Variants in MSI2 observed in about 807,000 individuals in gnomAD.
MSI2 encodes the protein musashi RNA binding protein 2.
MSI2 carries 17 observed loss-of-function variants against 45.6 expected under a neutral mutation model. The observed-to-expected ratio is 0.37, with a 90% CI of 0.26 to 0.56. The LOEUF (loss-of-function observed/expected upper bound fraction) is 0.56, where lower values mean the gene tolerates loss of function less well. Among genes scored for constraint, MSI2 ranks in the 20% least tolerant of loss-of-function variants. The pLI, the probability that MSI2 is intolerant of heterozygous loss-of-function variation, is 0.77. For missense variants in MSI2, 293 were observed against 444.2 expected (o/e 0.66, Z 3.06); for synonymous variants, 156 against 158.2 (o/e 0.99, Z 0.11).
intron 6 of MSI2, among the ~76,000 whole-genome samples, chr17:57,518,594 G>C (rs1598356896): frequency 6.6e-6 from 1 of 152,234 alleles, no homozygotes; most frequent in African/African-American, 2.4e-5. Context: ...GAATGTGAGA[G>C]AGTGTTCCGG....
intron 7 of MSI2, among the ~76,000 whole-genome samples, chr17:57,559,423 C>G (rs750075992): frequency 2.0e-5 from 3 of 152,202 alleles, no homozygotes; most frequent in Non-Finnish European, 4.4e-5. Flanking sequence ...AGCTGCAGCC[C>G]CATTGGCAAT....
intron 6 of MSI2, among the ~76,000 whole-genome samples, chr17:57,432,402 C>T (rs1294965032): frequency 6.6e-6 from 1 of 152,206 alleles, no homozygotes; most frequent in Non-Finnish European, 1.5e-5. Context: ...GTGTGCATTT[C>T]TCTAGTGGTT....
chr17:57,296,476 GTTCCCT>G (rs1475783680), intron 5 of MSI2, among the ~76,000 whole-genome samples: 1 of 152,148 alleles, frequency 6.6e-6, no homozygotes, highest in Non-Finnish European at 1.5e-5. Flanking sequence ...ATCAAATTCT[GTTCCCT>G]TTGGAGGCCA....
At position 57,367,287 on chromosome 17, in the gene MSI2, GT is replaced by G. The variant is rs374664493; in HGVS notation, c.313-34083del. Among the ~76,000 whole-genome samples, 750 of 151,396 alleles carry G rather than the reference GT, an allele frequency of 5.0e-3. 13 individuals are homozygous for G. The East Asian group carries it at 0.053, about 11-fold the overall frequency. The stretch of plus-strand genomic sequence containing the variant: ...TGTTTTTCTGAATTGTGATTAAAAT[GT>G]TTTTTTTTCCTTCAAATTTTAAGTT... On this transcript the variant is annotated intron_variant, in intron 5 of 13. Coordinates refer to ENST00000284073, the MANE Select transcript of MSI2 (RefSeq NM_138962.4).
At position 57,407,444 on chromosome 17, in the gene MSI2, T is replaced by G. The variant is rs1186774170; in HGVS notation, c.405+5973T>G. On this transcript the variant is annotated intron_variant, in intron 6 of 13. Coordinates refer to ENST00000284073, the MANE Select transcript of MSI2 (RefSeq NM_138962.4). This position sits in a 1 kb window ranked among gnomAD's most constrained non-coding sequence, Gnocchi z 4.1. ...GATAAATAAGCCTGAGAGTGGACTG[T>G]GATCCTCAGGTAGTGTTTTCTTGCT... Among the ~76,000 whole-genome samples the G allele has an allele frequency of 6.6e-6, 1 of 152,204 alleles. No individual in the cohort carries two copies. The highest frequency in any genetic ancestry group is 1.5e-5 in the Non-Finnish European group (1 of 68,050).
intron 7 of MSI2, among the ~76,000 whole-genome samples, chr17:57,560,253 G>C (rs928947870): frequency 6.6e-5 from 10 of 152,176 alleles, no homozygotes; most frequent in Non-Finnish European, 1.2e-4. Flanking sequence ...TCTCTGCGGG[G>C]AAGTTTTGTT....
intron 6 of MSI2, among the ~76,000 whole-genome samples, chr17:57,433,345 C>T (rs554437363): frequency 1.3e-5 from 2 of 152,036 alleles, no homozygotes; most frequent in Non-Finnish European, 2.9e-5. Context: ...GACTGGTATC[C>T]TTATAAGAAG....
intron 6 of MSI2, among the ~76,000 whole-genome samples, chr17:57,410,558 T>A (rs2084176231): frequency 6.6e-6 from 1 of 151,012 alleles, no homozygotes; most frequent in Non-Finnish European, 1.5e-5. Flanking sequence ...GTGAGCTTCT[T>A]GTAGTTAAAG....
At chr17:57,427,114 AG>A (rs1268935597) in intron 6 of MSI2, among the ~76,000 whole-genome samples, 1 of 152,188 alleles carries the variant, frequency 6.6e-6, no homozygotes, top group East Asian at 1.9e-4. Flanking sequence ...ATAAAAGCAG[AG>A]GCCAGGCGTG....
At position 57,549,902 on chromosome 17, in the gene MSI2, G is replaced by T. The variant is rs574294274; in HGVS notation, c.454+20178G>T. ...GGAGTTCAAGAGAGGCTTGGAGATG[G>T]TCCCTTTTTGGAGCAACCTCTGACT... On this transcript the variant is annotated intron_variant, in intron 7 of 13. Coordinates refer to ENST00000284073, the MANE Select transcript of MSI2 (RefSeq NM_138962.4). Among the ~76,000 whole-genome samples the T allele has an allele frequency of 3.3e-5, 5 of 152,264 alleles. No individual in the cohort carries two copies. The East Asian group carries it at 5.8e-4, about 18-fold the overall frequency.
chr17:57,368,101 G>C (rs181397969), intron 5 of MSI2, among the ~76,000 whole-genome samples: 1 of 152,308 alleles, frequency 6.6e-6, no homozygotes, highest in Admixed American at 6.5e-5. Context: ...CAAAGAGTCT[G>C]TGACGAAGTT....
At chr17:57,461,533 ATTTTT>A (rs34312371) in intron 6 of MSI2, among the ~76,000 whole-genome samples, 1 of 136,166 alleles carries the variant, frequency 7.3e-6, no homozygotes. Context: ...CAACTCTTGG[ATTTTT>A]TTTTTTTTTT....
intron 7 of MSI2, among the ~76,000 whole-genome samples, chr17:57,595,124 G>C (rs1261925464): frequency 6.6e-6 from 1 of 152,106 alleles, no homozygotes; most frequent in African/African-American, 2.4e-5. Flanking sequence ...GGTGTTCCTT[G>C]GAAGATGGTG....
chr17:57,583,685 G>T (rs1056521111), intron 7 of MSI2, among the ~76,000 whole-genome samples: 2 of 151,938 alleles, frequency 1.3e-5, no homozygotes, highest in Non-Finnish European at 2.9e-5. Context: ...TGTTCCCCAG[G>T]CTGGTCTCAA....
At chr17:57,346,289 A>T (rs1002729105) in intron 5 of MSI2, among the ~76,000 whole-genome samples, 5 of 149,086 alleles carry the variant, frequency 3.4e-5, no homozygotes, top group African/African-American at 1.2e-4. Context: ...TTTAACAGCG[A>T]AGTAACCCCT....
intron 8 of MSI2, 78 bp downstream of exon 8, chr17:57,597,028 C>A: frequency 9.1e-7 from 1 of 1,094,908 alleles, no homozygotes; most frequent in South Asian, 1.3e-5. Flanking sequence ...ACTGGTCCAG[C>A]CCATCATCAG....
At chr17:57,616,641 A>C (rs568895533) in intron 9 of MSI2, 4 of 152,262 alleles carry the variant, frequency 2.6e-5, no homozygotes, top group Non-Finnish European at 5.9e-5. Flanking sequence ...CCAAAAAAAA[A>C]AAAAAGATGA....
chr17:57,429,698 C>G (rs17834277), intron 6 of MSI2, among the ~76,000 whole-genome samples: 12,023 of 150,092 alleles, frequency 0.08, 620 homozygotes, highest in Non-Finnish European at 0.11. Context: ...ACCATCGGAA[C>G]AACAAACCCT....
intron 6 of MSI2, among the ~76,000 whole-genome samples, chr17:57,460,394 GAAGAA>G (rs1343971275): frequency 6.6e-6 from 1 of 151,096 alleles, no homozygotes; most frequent in Non-Finnish European, 1.5e-5. Flanking sequence ...GAGAGAAAGA[GAAGAA>G]AAGAAAAAGA....
Sources: gnomAD v4.1 joint callset for allele counts (sites outside exome capture counted in the v4.1 genomes callset) on GRCh38, gnomAD v4.1.1 for gene constraint, Gnocchi (gnomAD v3.1) non-coding constraint, MANE v1.5 for transcripts, NCBI Gene and HGNC (gene_info 2026-07-23, HGNC 2026-07-21) for gene names.